CRADD: variants seen among roughly 807,000 people sequenced by gnomAD.
The protein encoded by CRADD is death domain-containing protein CRADD.
In CRADD, 9 loss-of-function variants were observed where a neutral mutation model predicts 15.5. That is an observed-to-expected ratio of 0.58 (90% CI 0.35 to 1.01). CRADD has a LOEUF of 1.01. Among genes scored for constraint, CRADD ranks in the 50% least tolerant of loss-of-function variants. The pLI is 0.02. For synonymous variants in CRADD, 118 were observed against 107.6 expected, an observed-to-expected ratio of 1.10 and a Z score of -0.60; for missense variants, 227 against 250.3, an observed-to-expected ratio of 0.91 and a Z score of 0.63.
At chr12:93,873,473 T>A (rs1204375533) in intron 2 of CRADD, among the ~76,000 whole-genome samples, 1 of 152,150 alleles carries the variant, frequency 6.6e-6, no homozygotes, top group Non-Finnish European at 1.5e-5. Flanking sequence ...AGTGGGCACA[T>A]CCTTGTCCTG....
chr12:93,787,544 G>T (rs780741202), intron 2 of CRADD, among the ~76,000 whole-genome samples: 1 of 151,792 alleles, frequency 6.6e-6, no homozygotes, highest in Non-Finnish European at 1.5e-5. Context: ...TTTTTCCTTT[G>T]AAATGTTGTT....
At chr12:93,721,363 A>G (rs1956259213) in intron 2 of CRADD, among the ~76,000 whole-genome samples, 1 of 152,218 alleles carries the variant, frequency 6.6e-6, no homozygotes, top group South Asian at 2.1e-4. Context: ...ATAATGAAAT[A>G]TTCCTAATTT....
At chr12:93,719,117 A>G (rs1232796601) in intron 2 of CRADD, among the ~76,000 whole-genome samples, 1 of 152,140 alleles carries the variant, frequency 6.6e-6, no homozygotes, top group Non-Finnish European at 1.5e-5. Flanking sequence ...TATGTTTTTT[A>G]TCAAGTTGAG....
At chr12:93,699,756 A>G (rs751059244) in intron 2 of CRADD, among the ~76,000 whole-genome samples, 11 of 152,172 alleles carry the variant, frequency 7.2e-5, no homozygotes, top group African/African-American at 1.7e-4. Flanking sequence ...TAGGTTCTCA[A>G]TCCCCTAAGG....
At chr12:93,846,270 C>A (rs925002497) in intron 2 of CRADD, among the ~76,000 whole-genome samples, 1 of 152,156 alleles carries the variant, frequency 6.6e-6, no homozygotes. Flanking sequence ...TGAGTCCCTG[C>A]ATTCAATTCT....
chr12:93,775,877 CT>C (rs1957135660), intron 2 of CRADD, among the ~76,000 whole-genome samples: 1 of 151,590 alleles, frequency 6.6e-6, no homozygotes, highest in Non-Finnish European at 1.5e-5. Context: ...TTTCAGAGGA[CT>C]CTAGGACGTA....
chr12:93,789,796 A>T (rs1317102577), intron 2 of CRADD, among the ~76,000 whole-genome samples: 1 of 152,156 alleles, frequency 6.6e-6, no homozygotes, highest in Non-Finnish European at 1.5e-5. Flanking sequence ...TACCTTTATT[A>T]TGCTGAAAGA....
At chr12:93,710,941 G>A (rs1441017878) in intron 2 of CRADD, among the ~76,000 whole-genome samples, 1 of 151,928 alleles carries the variant, frequency 6.6e-6, no homozygotes, top group Non-Finnish European at 1.5e-5. Flanking sequence ...CTTTGGTTTT[G>A]AGCTATGAAT....
intron 2 of CRADD, among the ~76,000 whole-genome samples, chr12:93,814,390 C>T (rs1957667271): frequency 6.6e-6 from 1 of 152,134 alleles, no homozygotes; most frequent in Non-Finnish European, 1.5e-5. Flanking sequence ...GAGTAAAGTT[C>T]ATGTTCCCCC....
chr12:93,708,660 C>T (rs1956001598), intron 2 of CRADD: 1 of 152,250 alleles, frequency 6.6e-6, no homozygotes, highest in African/African-American at 2.4e-5. Context: ...TCCATGAAGC[C>T]AGGGCATTGT....
intron 2 of CRADD, chr12:93,859,442 G>A: frequency 2.2e-6 from 1 of 445,076 alleles, no homozygotes; most frequent in South Asian, 1.6e-5. Context: ...GGAATTGGAA[G>A]GTGAGGTCCA....
chr12:93,856,308 C>A (rs924387081), intron 2 of CRADD, among the ~76,000 whole-genome samples: 1 of 152,204 alleles, frequency 6.6e-6, no homozygotes, highest in African/African-American at 2.4e-5. Flanking sequence ...TAACAGTTGT[C>A]TACCATTAAA....
chr12:93,806,426 T>G (rs1448378571), intron 2 of CRADD, among the ~76,000 whole-genome samples: 2 of 118,826 alleles, frequency 1.7e-5, no homozygotes, highest in African/African-American at 6.7e-5. Context: ...TACTCTGGCC[T>G]AGGCGACAGA....
intron 2 of CRADD, among the ~76,000 whole-genome samples, chr12:93,872,137 TA>T (rs1320070528): frequency 6.6e-6 from 1 of 152,228 alleles, no homozygotes; most frequent in Non-Finnish European, 1.5e-5. Context: ...CATTGTAGTT[TA>T]AATTTGTATT....
intron 2 of CRADD, among the ~76,000 whole-genome samples, chr12:93,798,256 C>G (rs1158029432): frequency 1.3e-5 from 2 of 152,080 alleles, no homozygotes; most frequent in Non-Finnish European, 2.9e-5. Context: ...TTTTGTGAAT[C>G]CCCACAAATA....
At position 93,801,410 on chromosome 12, in the gene CRADD, T is replaced by C. The variant is rs577335948; in HGVS notation, c.299-48560T>C. ...CCCTATTTTATTTTATTTTTATCTATTTTTTTGAGACGCAGTCTCACTGTG... is the reference window on the plus strand; with the variant it reads ...CCCTATTTTATTTTATTTTTATCTACTTTTTTGAGACGCAGTCTCACTGTG... On this transcript the variant is annotated intron_variant, in intron 2 of 2. Coordinates refer to ENST00000332896, the MANE Select transcript of CRADD (RefSeq NM_003805.5). 7.2e-5 allele frequency among the ~76,000 whole-genome samples: 11 copies of C among 152,274 alleles called. No individual in the cohort carries two copies. The South Asian group carries it at 2.3e-3, about 32-fold the overall frequency.
At chr12:93,710,345 CTTT>C (rs34912218) in intron 2 of CRADD, among the ~76,000 whole-genome samples, 8 of 128,282 alleles carry the variant, frequency 6.2e-5, no homozygotes, top group Admixed American at 8.2e-5. Context: ...TTTCCTTTTC[CTTT>C]TTTTTTTTTT....
At chr12:93,730,456 C>A (rs1428608278) in intron 2 of CRADD, among the ~76,000 whole-genome samples, 1 of 152,170 alleles carries the variant, frequency 6.6e-6, no homozygotes, top group African/African-American at 2.4e-5. Context: ...GTAGTGTCAA[C>A]TGGCATGATT....
At chr12:93,763,914 C>CTT (rs1441073506) in intron 2 of CRADD, among the ~76,000 whole-genome samples, 1 of 152,144 alleles carries the variant, frequency 6.6e-6, no homozygotes, top group African/African-American at 2.4e-5. Context: ...TACCTGTGGC[C>CTT]TTCTTGTTAA....
Sources: allele counts gnomAD v4.1 joint callset (sites outside exome capture counted in the v4.1 genomes callset), GRCh38; gene constraint gnomAD v4.1.1; transcripts MANE v1.5; gene names NCBI Gene and HGNC (gene_info 2026-07-23, HGNC 2026-07-21).